The following CACNA1A variants were observed in gnomAD, a reference collection of about 807,000 sequenced individuals.
CACNA1A encodes calcium voltage-gated channel subunit alpha1 A, also known as voltage-dependent P/Q-type calcium channel subunit alpha-1A.
A neutral mutation model predicts 262.4 loss-of-function variants in CACNA1A; 57 were observed. That is an observed-to-expected ratio of 0.22 (90% CI 0.18 to 0.27). The LOEUF (loss-of-function observed/expected upper bound fraction) is 0.27. CACNA1A is among the 10% of genes least tolerant of loss of function. CACNA1A has a pLI of 1.00. For synonymous variants in CACNA1A, 1,431 were observed against 1,419.3 expected (o/e 1.01, Z -0.18); for missense variants, 2,526 against 3,562.8 (o/e 0.71, Z 7.41).
At chr19:13,427,391 G>T (rs1280887446) in intron 3 of CACNA1A, among the ~76,000 whole-genome samples, 2 of 152,012 alleles carry the variant, frequency 1.3e-5, no homozygotes, top group East Asian at 3.9e-4. Context: ...GGCGGAGGTT[G>T]CAGTGAGCCG....
intron 1 of CACNA1A, among the ~76,000 whole-genome samples, chr19:13,491,929 C>T (rs1980937659): frequency 6.6e-6 from 1 of 152,144 alleles, no homozygotes; most frequent in Non-Finnish European, 1.5e-5. Flanking sequence ...ATACCTATAA[C>T]ACTAATACAT....
intron 3 of CACNA1A, among the ~76,000 whole-genome samples, chr19:13,406,454 CA>C (rs60415941): frequency 0.067 from 4,760 of 71,562 alleles, 479 homozygotes; most frequent in African/African-American, 0.21. Flanking sequence ...GACTCTGTCT[CA>C]AAAAAAAAAT....
chr19:13,281,309 T>C (rs2057283743), intron 22 of CACNA1A, among the ~76,000 whole-genome samples: 2 of 149,054 alleles, frequency 1.3e-5, no homozygotes, highest in Admixed American at 1.3e-4. Flanking sequence ...GCCCGGGACG[T>C]TGAGGCTGCA....
rs1355177769 is a variant in CACNA1A, at chr19:13,212,939, G to C, written c.5941-199C>G. Among the ~76,000 whole-genome samples, 1 of 151,994 alleles carries C rather than the reference G, an allele frequency of 6.6e-6. No homozygotes were observed. The highest frequency in any genetic ancestry group is 1.5e-5 in the Non-Finnish European group (1 of 68,000). ...TCCACCCAAGTCATAGCCCCAGCCT[G>C]GTCCCACGTCCTCATCTCTCACTGC... On this transcript the variant is annotated intron_variant, in intron 40 of 46. Transcript: ENST00000360228. The surrounding 1 kb of genome is among the most constrained non-coding windows in gnomAD (Gnocchi z 5.6).
intron 1 of CACNA1A, among the ~76,000 whole-genome samples, chr19:13,463,145 T>TAAA (rs112868135): frequency 2.1e-5 from 3 of 141,614 alleles, no homozygotes; most frequent in Non-Finnish European, 4.7e-5. Context: ...TGCCTTTATT[T>TAAA]AAAAAAAAAA....
At chr19:13,367,252 G>A (rs1195740880) in intron 4 of CACNA1A, among the ~76,000 whole-genome samples, 8 of 130,000 alleles carry the variant, frequency 6.2e-5, no homozygotes, top group Admixed American at 2.8e-4. Flanking sequence ...CCAAGATGAC[G>A]CCACTGTACT....
chr19:13,427,271 G>C (rs2060418529), intron 3 of CACNA1A, among the ~76,000 whole-genome samples: 1 of 151,974 alleles, frequency 6.6e-6, no homozygotes, highest in Non-Finnish European at 1.5e-5. Flanking sequence ...GACCAACATG[G>C]AGAAACCCCG....
At chr19:13,470,790 C>A (rs2061334379) in intron 1 of CACNA1A, among the ~76,000 whole-genome samples, 1 of 152,170 alleles carries the variant, frequency 6.6e-6, no homozygotes, top group South Asian at 2.1e-4. Context: ...GGAGTTGGGG[C>A]ATTTCTCCAT....
intron 1 of CACNA1A, among the ~76,000 whole-genome samples, chr19:13,491,295 A>G (rs1454125826): frequency 2.0e-5 from 3 of 152,198 alleles, no homozygotes; most frequent in Non-Finnish European, 2.9e-5. Context: ...AATAAGTGCC[A>G]TGAGCTCTGG....
At chr19:13,256,064 A>T (rs1299998752) in intron 28 of CACNA1A, 9 of 135,600 alleles carry the variant, frequency 6.6e-5, no homozygotes, top group Admixed American at 1.7e-4. Flanking sequence ...ATCACAGCTC[A>T]CTGCAGCCTT....
At chr19:13,311,427 C>A (rs1345250378) in intron 12 of CACNA1A, among the ~76,000 whole-genome samples, 2 of 152,194 alleles carry the variant, frequency 1.3e-5, no homozygotes. Context: ...TGGTTTTATT[C>A]TTTAACTACT....
intron 3 of CACNA1A, among the ~76,000 whole-genome samples, chr19:13,413,302 T>A (rs1464570521): frequency 2.0e-5 from 3 of 151,046 alleles, no homozygotes; most frequent in Non-Finnish European, 4.4e-5. Context: ...GAGATGGGGT[T>A]TCACTGTGTT....
chr19:13,223,088 G>C (rs1252414696), intron 38 of CACNA1A, among the ~76,000 whole-genome samples: 1 of 152,104 alleles, frequency 6.6e-6, no homozygotes, highest in Admixed American at 6.6e-5. Context: ...GCAGTGGTGC[G>C]ATCATGACTC....
In CACNA1A at chr19:13,209,430, G is replaced by A. The variant is rs779701046; in HGVS notation, c.6408C>T (p.Asp2136=). 22 of 1,388,268 alleles carry A rather than the reference G, an allele frequency of 1.6e-5. No homozygotes were observed. The East Asian group carries it at 2.5e-4, about 16-fold the overall frequency. 86.0% of individuals were successfully genotyped at this position (1,388,268 alleles called of 1,614,324 possible). Residue 2136 remains aspartate, a synonymous_variant, in exon 45 of 47, where the codon GAC becomes GAT. Coordinates refer to ENST00000360228, the MANE Select transcript of CACNA1A (RefSeq NM_001127222.2). Reference sequence around the variant, plus strand: ...GCGGGACCCGCTCCAGCGAGTAATCGTCCAGGCGTCGGGCCTTGGGGCCCA... The same window carrying A: ...GCGGGACCCGCTCCAGCGAGTAATCATCCAGGCGTCGGGCCTTGGGGCCCA... ...SVLGPKARRL[D]DYSLERVPPE... is the part of the protein sequence containing the mutation.
chr19:13,288,638 C>G (rs994787831), intron 19 of CACNA1A, among the ~76,000 whole-genome samples: 1 of 152,140 alleles, frequency 6.6e-6, no homozygotes, highest in Non-Finnish European at 1.5e-5. Context: ...CAACCCCTGC[C>G]TCTCCAAGCC....
chr19:13,503,544 C>T (rs1212330391), intron 1 of CACNA1A, among the ~76,000 whole-genome samples: 1 of 151,818 alleles, frequency 6.6e-6, no homozygotes, highest in Non-Finnish European at 1.5e-5. Context: ...TGACATTCCA[C>T]GTGTCTTTCT....
chr19:13,267,037 G>A (rs1358225898), intron 24 of CACNA1A, among the ~76,000 whole-genome samples: 1 of 152,100 alleles, frequency 6.6e-6, no homozygotes, highest in African/African-American at 2.4e-5. Context: ...CATTTGAAGC[G>A]ACAGGACAGC....
chr19:13,229,330 T>A (rs1320277800), intron 36 of CACNA1A, among the ~76,000 whole-genome samples: 1 of 152,160 alleles, frequency 6.6e-6, no homozygotes, highest in Non-Finnish European at 1.5e-5. Flanking sequence ...GTAATGCTTC[T>A]TCAGGCCCCA....
chr19:13,373,951 A>T (rs932155896), intron 3 of CACNA1A, among the ~76,000 whole-genome samples: 2 of 152,216 alleles, frequency 1.3e-5, no homozygotes, highest in African/African-American at 4.8e-5. Flanking sequence ...CTTCTCAGCT[A>T]GGAAGACAAT....
Sources: allele counts gnomAD v4.1 joint callset (sites outside exome capture counted in the v4.1 genomes callset), GRCh38; gene constraint gnomAD v4.1.1; non-coding constraint Gnocchi (gnomAD v3.1); transcripts MANE v1.5; gene names NCBI Gene and HGNC (gene_info 2026-07-23, HGNC 2026-07-21).